YIPF4: variants seen among roughly 807,000 people sequenced by gnomAD.
YIPF4 encodes protein YIPF4.
Under a neutral mutation model 29.4 loss-of-function variants are expected in YIPF4, and 18 were observed. That is an observed-to-expected ratio of 0.61 (90% CI 0.42 to 0.91). YIPF4 has a LOEUF of 0.91. Ranked by LOEUF, YIPF4 falls within the 40% of genes least tolerant of loss-of-function variation. YIPF4 has a pLI of 0.00. For synonymous variants in YIPF4, 115 were observed against 104.7 expected, an observed-to-expected ratio of 1.10 and a Z score of -0.60; for missense variants, 279 against 282.7, an observed-to-expected ratio of 0.99 and a Z score of 0.09.
At chr2:32,293,795 C>T (rs1271013253) in intron 3 of YIPF4, among the ~76,000 whole-genome samples, 10 of 149,668 alleles carry the variant, frequency 6.7e-5, no homozygotes, top group Non-Finnish European at 1.5e-4. Context: ...GGCGGCTGGG[C>T]AGAGGCGCCC....
chr2:32,281,391 G>A (rs1055174392), intron 1 of YIPF4, among the ~76,000 whole-genome samples: 5 of 151,992 alleles, frequency 3.3e-5, no homozygotes, highest in South Asian at 2.1e-4. Flanking sequence ...ACAGGTGTAC[G>A]CCACCATGCC....
chr2:32,282,753 A>G (rs1288699345), intron 1 of YIPF4, among the ~76,000 whole-genome samples: 2 of 151,478 alleles, frequency 1.3e-5, no homozygotes, highest in African/African-American at 4.9e-5. Context: ...TCTTAACCTC[A>G]TTTTCCTCAT....
chr2:32,278,926 TCTCAGTTCC>T (rs1471860125), intron 1 of YIPF4, among the ~76,000 whole-genome samples: 2 of 152,310 alleles, frequency 1.3e-5, no homozygotes, highest in African/African-American at 4.8e-5. Context: ...TCCCTCCTAT[TCTCAGTTCC>T]CTATCCAACT....
At chr2:32,289,803 A>C (rs2030835262) in intron 1 of YIPF4, among the ~76,000 whole-genome samples, 1 of 152,192 alleles carries the variant, frequency 6.6e-6, no homozygotes, top group East Asian at 1.9e-4. Flanking sequence ...ATAAAAACAA[A>C]AAGAAAACAT....
chr2:32,300,293 G>T (rs1200014123), intron 4 of YIPF4, among the ~76,000 whole-genome samples: 2 of 149,600 alleles, frequency 1.3e-5, no homozygotes, highest in East Asian at 3.9e-4. Context: ...AATTAGCCGG[G>T]CATGGAGGCA....
chr2:32,280,004 C>G (rs544672563), intron 1 of YIPF4, among the ~76,000 whole-genome samples: 67 of 150,342 alleles, frequency 4.5e-4, no homozygotes, highest in Admixed American at 1.8e-3. Flanking sequence ...TCCAGTGATC[C>G]TCCCGCTTCA....
intron 1 of YIPF4, among the ~76,000 whole-genome samples, chr2:32,282,062 GA>G (rs61157556): frequency 4.9e-3 from 683 of 140,412 alleles, no homozygotes; most frequent in African/African-American, 9.3e-3. Flanking sequence ...GACCCTGGCT[GA>G]AAAAAAAAAA....
At chr2:32,278,384 C>G in intron 1 of YIPF4, 150 bp downstream of exon 1, 1 of 702,640 alleles carries the variant, frequency 1.4e-6, no homozygotes, top group Non-Finnish European at 2.3e-6. Flanking sequence ...CCGGGCCTTC[C>G]GAGAGGCCCC....
At chr2:32,303,947 A>C (rs1286601465) in intron 5 of YIPF4, among the ~76,000 whole-genome samples, 1 of 152,202 alleles carries the variant, frequency 6.6e-6, no homozygotes, top group Non-Finnish European at 1.5e-5. Context: ...GACTACTCCC[A>C]AAATGGTTAA....
intron 1 of YIPF4, among the ~76,000 whole-genome samples, chr2:32,286,719 C>T (rs1337103555): frequency 6.6e-6 from 1 of 151,982 alleles, no homozygotes; most frequent in East Asian, 1.9e-4. Context: ...CTAATTTTTG[C>T]ATTTTTAGTA....
intron 1 of YIPF4, among the ~76,000 whole-genome samples, chr2:32,285,889 C>T (rs1282788013): frequency 6.6e-6 from 1 of 151,980 alleles, no homozygotes; most frequent in Non-Finnish European, 1.5e-5. Flanking sequence ...GTCTATGATT[C>T]CTACTTATGA....
chr2:32,304,103 C>T (rs2031496120), intron 5 of YIPF4, among the ~76,000 whole-genome samples: 1 of 152,120 alleles, frequency 6.6e-6, no homozygotes. Context: ...TTTTAAACTT[C>T]AGATTATTCT....
intron 1 of YIPF4, among the ~76,000 whole-genome samples, chr2:32,284,742 TG>T (rs1457729583): frequency 6.6e-6 from 1 of 152,174 alleles, no homozygotes; most frequent in Non-Finnish European, 1.5e-5. Context: ...GAAGAATGGA[TG>T]GCATTTAATT....
chr2:32,289,846 G>C (rs1422682182), intron 1 of YIPF4, among the ~76,000 whole-genome samples: 2 of 152,114 alleles, frequency 1.3e-5, no homozygotes, highest in Non-Finnish European at 2.9e-5. Flanking sequence ...AACTGAAGAT[G>C]AATGATGTAA....
At chr2:32,279,746 A>T (rs556822847) in intron 1 of YIPF4, among the ~76,000 whole-genome samples, 1 of 152,014 alleles carries the variant, frequency 6.6e-6, no homozygotes, top group Non-Finnish European at 1.5e-5. Flanking sequence ...TTTATGGTGT[A>T]TCAGTATAGC....
At chr2:32,287,014 G>A (rs1482698993) in intron 1 of YIPF4, among the ~76,000 whole-genome samples, 1 of 152,104 alleles carries the variant, frequency 6.6e-6, no homozygotes, top group Non-Finnish European at 1.5e-5. Flanking sequence ...GGAGGCCAAG[G>A]CAGGTGTATT....
chr2:32,294,311 G>C (rs559933645), intron 3 of YIPF4, among the ~76,000 whole-genome samples: 1 of 151,604 alleles, frequency 6.6e-6, no homozygotes, highest in South Asian at 2.1e-4. Flanking sequence ...CTTCTCAGAC[G>C]GGGCGGCTGC....
intron 2 of YIPF4, 38 bp from the exon 3 acceptor site, chr2:32,292,139 A>C: frequency 7.5e-7 from 1 of 1,328,916 alleles, no homozygotes; most frequent in Non-Finnish European, 9.9e-7. Flanking sequence ...GTATTCAGAA[A>C]TGTGTGCCTT....
chr2:32,292,616 A>T (rs994338723), intron 3 of YIPF4, among the ~76,000 whole-genome samples: 11 of 151,718 alleles, frequency 7.3e-5, no homozygotes, highest in African/African-American at 2.4e-4. Context: ...TAATCCCAGC[A>T]CTTTGGGAGG....
Sources: gnomAD v4.1 joint callset for allele counts (sites outside exome capture counted in the v4.1 genomes callset) on GRCh38, gnomAD v4.1.1 for gene constraint, MANE v1.5 for transcripts, NCBI Gene and HGNC (gene_info 2026-07-23, HGNC 2026-07-21) for gene names.